KNTC1: variants seen among roughly 807,000 people sequenced by gnomAD.
KNTC1 encodes the protein kinetochore associated 1, also known as kinetochore-associated protein 1.
KNTC1 carries 253 observed loss-of-function variants against 314.4 expected under a neutral mutation model. The observed-to-expected ratio is 0.80, with a 90% CI of 0.73 to 0.89. The LOEUF (loss-of-function observed/expected upper bound fraction) is 0.89, where lower values mean the gene tolerates loss of function less well. Among genes scored for constraint, KNTC1 ranks in the 40% least tolerant of loss-of-function variants. KNTC1 has a pLI of 0.00. For missense variants in KNTC1, 2,475 were observed against 2,572.9 expected (o/e 0.96, Z 0.82); for synonymous variants, 901 against 901.4 (o/e 1.00, Z 0.01).
chr12:122,570,725 T>C, intron 22 of KNTC1, 151 bp from the exon 23 acceptor site: 2 of 595,432 alleles, frequency 3.4e-6, no homozygotes, highest in South Asian at 4.2e-5. Context: ...GTACACCTAC[T>C]ACGTGCCCAC....
chr12:122,600,185 C>T (rs1009574752), intron 44 of KNTC1, among the ~76,000 whole-genome samples: 2 of 152,056 alleles, frequency 1.3e-5, no homozygotes, highest in African/African-American at 4.8e-5. Flanking sequence ...CTGCAACCTC[C>T]GCCTCCTGGG....
chr12:122,565,703 G>T (rs1964283190), intron 20 of KNTC1, among the ~76,000 whole-genome samples: 1 of 151,854 alleles, frequency 6.6e-6, no homozygotes, highest in Non-Finnish European at 1.5e-5. Context: ...GGGCAACATA[G>T]TGAAACCCTG....
chr12:122,571,261 G>C (rs1964665381), intron 24 of KNTC1, 135 bp downstream of exon 24: 2 of 555,440 alleles, frequency 3.6e-6, no homozygotes, highest in Admixed American at 7.2e-5. Context: ...TTTTTGTTTT[G>C]TGCCTTTCAA....
Position 122,597,861 on chromosome 12 carries a change from G to T in KNTC1, c.4486G>T (p.Ala1496Ser). The T allele has an allele frequency of 6.2e-7, 1 of 1,614,034 alleles. No individual in the cohort carries two copies. Among genetic ancestry groups the T allele is most frequent in the Non-Finnish European group, 8.5e-7 (1 of 1,179,888 alleles). ...SAKRRHPKLLAKALEMVPLLT... is the reference protein window; with the variant it reads ...SAKRRHPKLLSKALEMVPLLT... ...AAAGCGGCGGCATCCCAAACTCCTG[G>T]CCAAAGCCCTTGAGATGGTTCCTTT... The change falls in exon 44 of 64, where the codon GCC (alanine) becomes TCC (serine). Residue 1496 changes from alanine to serine, a missense_variant. Transcript: ENST00000333479.
chr12:122,557,988 C>T (rs574149135), intron 18 of KNTC1, among the ~76,000 whole-genome samples: 5 of 152,326 alleles, frequency 3.3e-5, no homozygotes, highest in Admixed American at 6.5e-5. Flanking sequence ...TGGTGGCTCA[C>T]GCCTTAATCC....
Position 122,569,749 on chromosome 12 carries a change from CTCTT to C in KNTC1, c.1787_1790del (p.Ser596CysfsTer12). On this transcript the variant is annotated frameshift_variant, in exon 22 of 64. Transcript: ENST00000333479. LOFTEE classifies it high-confidence loss of function. ...TGCTCAACTCAATGTCTGCATCAGT[CTCTT>C]TGCAAAAGCTGTGTCCATGGTTTAA... The C allele has an allele frequency of 6.2e-7, 1 of 1,613,628 alleles. No individual in the cohort carries two copies. The highest frequency in any genetic ancestry group is 8.5e-7 in the Non-Finnish European group (1 of 1,179,606).
chr12:122,602,814 T>A lies in KNTC1; in HGVS notation c.4826-15T>A, dbSNP rs747932528. The A allele has an allele frequency of 6.2e-7, 1 of 1,612,410 alleles. No individual in the cohort carries two copies. Among genetic ancestry groups the A allele is most frequent in the East Asian group, 2.2e-5 (1 of 44,862 alleles). ...TTTTCTTAAGCAAATCGTACTTTCC[T>A]TGTTTCCTTTCTAGCTACAGAACTC... On this transcript the variant is annotated splice_polypyrimidine_tract_variant and intron_variant, in intron 46 of 63. Transcript: ENST00000333479.
chr12:122,547,174 A>G (rs1032244837), intron 10 of KNTC1, among the ~76,000 whole-genome samples: 6 of 151,898 alleles, frequency 4.0e-5, no homozygotes, highest in African/African-American at 1.4e-4. Context: ...CACGTAGGCT[A>G]GGCGTGGTGG....
chr12:122,539,640 G>T, intron 4 of KNTC1, 36 bp from the exon 5 acceptor site: 1 of 1,365,178 alleles, frequency 7.3e-7, no homozygotes, highest in Non-Finnish European at 1.0e-6. Flanking sequence ...ATTTTTCTAT[G>T]TTTAATTTTA....
intron 51 of KNTC1, among the ~76,000 whole-genome samples, chr12:122,606,705 A>G (rs1026074059): frequency 3.3e-5 from 5 of 151,962 alleles, no homozygotes; most frequent in Non-Finnish European, 7.4e-5. Flanking sequence ...AAGAATTCCT[A>G]TATACACCTT....
intron 62 of KNTC1, among the ~76,000 whole-genome samples, chr12:122,624,310 C>T (rs982328492): frequency 6.6e-6 from 1 of 151,856 alleles, no homozygotes; most frequent in Non-Finnish European, 1.5e-5. Flanking sequence ...GCTTTGTCAC[C>T]CAGGCTGGAG....
chr12:122,602,718 A>C lies in KNTC1; in HGVS notation c.4803A>C (p.Ala1601=), dbSNP rs1484808687. The C allele has an allele frequency of 1.2e-6, 2 of 1,613,722 alleles. No individual in the cohort carries two copies. The highest frequency in any genetic ancestry group is 1.7e-6 in the Non-Finnish European group (2 of 1,179,854). ...LPFHLIFFGT[A]QNFWKILSTE... is the part of the protein sequence containing the mutation. ...TTCACCTGATATTCTTTGGCACAGC[A>C]CAGAACTTCTGGAAAATTCTCTGTA... Residue 1601 remains alanine, a synonymous_variant, in exon 46 of 64, where the codon GCA becomes GCC. Transcript: ENST00000333479.
intron 20 of KNTC1, among the ~76,000 whole-genome samples, chr12:122,566,758 G>GTTTTT (rs35657504): frequency 5.4e-5 from 5 of 92,428 alleles, no homozygotes; most frequent in Admixed American, 1.5e-4. Context: ...GTCCAGGCTG[G>GTTTTT]TTTTTTTTTT....
intron 20 of KNTC1, among the ~76,000 whole-genome samples, chr12:122,563,219 C>T (rs1022154008): frequency 6.6e-6 from 1 of 151,822 alleles, no homozygotes; most frequent in East Asian, 1.9e-4. Flanking sequence ...CACCCAGGTT[C>T]GAGTGCAGTG....
chr12:122,554,073 AAAAATAT>A (rs1053666219), intron 16 of KNTC1, among the ~76,000 whole-genome samples: 6 of 87,066 alleles, frequency 6.9e-5, no homozygotes, highest in African/African-American at 2.5e-4. Flanking sequence ...TTAAAAAAAA[AAAAATAT>A]ATATATATAT....
chr12:122,543,371 A>T (rs996167042), intron 6 of KNTC1, among the ~76,000 whole-genome samples: 3 of 152,210 alleles, frequency 2.0e-5, no homozygotes, highest in Non-Finnish European at 4.4e-5. Context: ...TAGGGAGAAG[A>T]TCCCCTTAGT....
At chr12:122,610,951 T>A in intron 53 of KNTC1, 51 bp downstream of exon 53, 1 of 1,317,806 alleles carries the variant, frequency 7.6e-7, no homozygotes, top group Non-Finnish European at 1.1e-6. Context: ...CAGCTTAACA[T>A]TTTTTTCCTG....
chr12:122,545,059 A>G (rs1188080980), intron 8 of KNTC1, among the ~76,000 whole-genome samples: 2 of 152,232 alleles, frequency 1.3e-5, no homozygotes, highest in South Asian at 2.1e-4. Context: ...ACATTGCTGT[A>G]TAATGTCTTA....
chr12:122,601,896 A>G lies in KNTC1; in HGVS notation c.4653+271A>G, dbSNP rs545557570. 2.1e-5 allele frequency: 5 copies of G among 241,414 alleles called. No individual in the cohort carries two copies. In the East Asian group the frequency reaches 6.2e-4, roughly 30 times the overall value. 15.0% of individuals were successfully genotyped at this position (241,414 alleles called of 1,614,324 possible). A position where few individuals can be genotyped will look rare whatever the true frequency, so the allele number is the denominator to read the frequency against. On this transcript the variant is annotated intron_variant, in intron 45 of 63. Coordinates refer to ENST00000333479, the MANE Select transcript of KNTC1 (RefSeq NM_014708.6). ...TGCTGTCGAAGAGTATGAAGTCACT[A>G]CAGAACTAATTGTGAAGAATTAAGG...
Sources: gnomAD v4.1 joint callset for allele counts (sites outside exome capture counted in the v4.1 genomes callset) on GRCh38, gnomAD v4.1.1 for gene constraint, MANE v1.5 for transcripts, NCBI Gene and HGNC (gene_info 2026-07-23, HGNC 2026-07-21) for gene names.